Variants in PCDH15 observed in about 807,000 individuals in gnomAD.
PCDH15 encodes protocadherin related 15.
A neutral mutation model predicts 178.5 loss-of-function variants in PCDH15; 129 were observed. That is an observed-to-expected ratio of 0.72 (90% CI 0.63 to 0.84). The LOEUF (loss-of-function observed/expected upper bound fraction) is 0.84. Among genes scored for constraint, PCDH15 ranks in the 40% least tolerant of loss-of-function variants. The pLI, the probability that PCDH15 is intolerant of heterozygous loss-of-function variation, is 0.00. For missense variants in PCDH15, 2,230 were observed against 2,099.9 expected, an observed-to-expected ratio of 1.06 and a Z score of -1.21; for synonymous variants, 800 against 732.0, an observed-to-expected ratio of 1.09 and a Z score of -1.50.
At chr10:55,370,234 C>T (rs757348616) in intron 2 of PCDH15, among the ~76,000 whole-genome samples, 3 of 151,950 alleles carry the variant, frequency 2.0e-5, no homozygotes, top group Non-Finnish European at 4.4e-5. Context: ...GAACCATTTA[C>T]GGGTAAATGT....
chr10:55,545,057 C>A (rs1841848888), intron 2 of PCDH15, among the ~76,000 whole-genome samples: 1 of 152,090 alleles, frequency 6.6e-6, no homozygotes, highest in Non-Finnish European at 1.5e-5. Context: ...CCTTTTAGAA[C>A]TCCCTAAATA....
At chr10:55,003,597 A>G (rs1839848656) in intron 2 of PCDH15, among the ~76,000 whole-genome samples, 1 of 152,194 alleles carries the variant, frequency 6.6e-6, no homozygotes, top group Admixed American at 6.5e-5. Flanking sequence ...AATATTCTTT[A>G]TTCAGGACAA....
intron 1 of PCDH15, among the ~76,000 whole-genome samples, chr10:55,175,215 C>T (rs905814009): frequency 2.6e-5 from 4 of 152,142 alleles, no homozygotes; most frequent in African/African-American, 9.7e-5. Flanking sequence ...CACTAAGCCT[C>T]TCAGTTACTC....
At chr10:54,797,223 G>T (rs1258335247) in intron 1 of PCDH15, among the ~76,000 whole-genome samples, 1 of 151,978 alleles carries the variant, frequency 6.6e-6, no homozygotes, top group Non-Finnish European at 1.5e-5. Context: ...CATACAGAAA[G>T]TTACACCTCC....
At chr10:55,038,734 C>A (rs1012916226) in intron 2 of PCDH15, among the ~76,000 whole-genome samples, 6 of 151,910 alleles carry the variant, frequency 3.9e-5, no homozygotes, top group Non-Finnish European at 5.9e-5. Context: ...GGTGGTGAAA[C>A]CTGAAACTTT....
At chr10:55,158,086 A>G (rs75029457) in intron 2 of PCDH15, among the ~76,000 whole-genome samples, 5 of 56,428 alleles carry the variant, frequency 8.9e-5, no homozygotes, top group East Asian at 6.2e-4. Flanking sequence ...GTGTATATAT[A>G]TATATATATA....
At chr10:54,378,750 T>A (rs771576079) in intron 4 of PCDH15, 32 bp downstream of exon 4, 2 of 1,604,744 alleles carry the variant, frequency 1.2e-6, no homozygotes, top group Non-Finnish European at 1.7e-6. Flanking sequence ...AATAAACTTA[T>A]ATTACAGGGG....
chr10:55,458,560 C>T (rs1839603370), intron 2 of PCDH15, among the ~76,000 whole-genome samples: 1 of 152,002 alleles, frequency 6.6e-6, no homozygotes, highest in Admixed American at 6.6e-5. Flanking sequence ...AATCTGTTCT[C>T]ATTAGTGGCA....
At chr10:55,167,443 T>G (rs1839225774) in intron 1 of PCDH15, among the ~76,000 whole-genome samples, 1 of 152,156 alleles carries the variant, frequency 6.6e-6, no homozygotes, top group Non-Finnish European at 1.5e-5. Flanking sequence ...AATTTTATAC[T>G]ATACCATTAT....
At chr10:54,098,140 A>G (rs16937909) in intron 15 of PCDH15, among the ~76,000 whole-genome samples, 7,169 of 151,682 alleles carry the variant, frequency 0.047, 457 homozygotes, top group African/African-American at 0.14. Flanking sequence ...TATTGTATAT[A>G]CTCTGTGTGT....
chr10:55,184,012 T>C (rs1054469313), intron 1 of PCDH15, among the ~76,000 whole-genome samples: 1 of 151,992 alleles, frequency 6.6e-6, no homozygotes, highest in Non-Finnish European at 1.5e-5. Context: ...CTATCAGGTT[T>C]ACCTCTCTTT....
chr10:53,899,241 G>A (rs2082166715), intron 26 of PCDH15, among the ~76,000 whole-genome samples: 1 of 151,514 alleles, frequency 6.6e-6, no homozygotes, highest in African/African-American at 2.4e-5. Flanking sequence ...TAAGAACACA[G>A]TATATATTTT....
At chr10:54,002,366 C>G (rs924952211) in intron 20 of PCDH15, among the ~76,000 whole-genome samples, 2 of 152,028 alleles carry the variant, frequency 1.3e-5, no homozygotes, top group Non-Finnish European at 2.9e-5. Context: ...ACTCATAGAG[C>G]ATTTCATCCA....
intron 3 of PCDH15, among the ~76,000 whole-genome samples, chr10:54,458,446 C>T (rs913391274): frequency 1.2e-4 from 19 of 152,128 alleles, no homozygotes; most frequent in African/African-American, 4.6e-4. Flanking sequence ...ATACAATTCA[C>T]TCAACCTCAA....
intron 1 of PCDH15, among the ~76,000 whole-genome samples, chr10:55,211,394 T>C (rs1840567981): frequency 6.6e-6 from 1 of 152,132 alleles, no homozygotes; most frequent in Non-Finnish European, 1.5e-5. Context: ...TAAATTCTGT[T>C]GAAATGTAAT....
At chr10:55,450,243 T>C (rs1481622774) in intron 2 of PCDH15, among the ~76,000 whole-genome samples, 2 of 152,096 alleles carry the variant, frequency 1.3e-5, no homozygotes, top group African/African-American at 2.4e-5. Context: ...AATCATAACA[T>C]ATAATTATTT....
intron 17 of PCDH15, among the ~76,000 whole-genome samples, chr10:54,069,917 T>C (rs1004947013): frequency 6.6e-6 from 1 of 152,162 alleles, no homozygotes; most frequent in Non-Finnish European, 1.5e-5. Context: ...TGAATATATA[T>C]ATAATGCCAG....
At chr10:55,403,532 T>C (rs1838124956) in intron 2 of PCDH15, among the ~76,000 whole-genome samples, 1 of 151,954 alleles carries the variant, frequency 6.6e-6, no homozygotes, top group African/African-American at 2.4e-5. Context: ...TCTATTTGAG[T>C]TGATTTTTTA....
chr10:55,273,674 C>T (rs1410569547), intron 1 of PCDH15, among the ~76,000 whole-genome samples: 5 of 152,018 alleles, frequency 3.3e-5, no homozygotes, highest in Non-Finnish European at 5.9e-5. Flanking sequence ...TGTGAATTTA[C>T]GCTTTCTGTT....
Sources: gnomAD v4.1 joint callset for allele counts (sites outside exome capture counted in the v4.1 genomes callset) on GRCh38, gnomAD v4.1.1 for gene constraint, MANE v1.5 for transcripts, NCBI Gene and HGNC (gene_info 2026-07-23, HGNC 2026-07-21) for gene names.